SEMA3E: variants seen among roughly 807,000 people sequenced by gnomAD.
SEMA3E encodes the protein semaphorin 3E.
A neutral mutation model predicts 93.6 loss-of-function variants in SEMA3E; 49 were observed. That is an observed-to-expected ratio of 0.52 (90% CI 0.42 to 0.66). The LOEUF (loss-of-function observed/expected upper bound fraction) is 0.66. Ranked by LOEUF, SEMA3E falls within the 30% of genes least tolerant of loss-of-function variation. SEMA3E has a pLI of 0.00. For synonymous variants in SEMA3E, 363 were observed against 330.7 expected, an observed-to-expected ratio of 1.10 and a Z score of -1.06; for missense variants, 906 against 964.8, an observed-to-expected ratio of 0.94 and a Z score of 0.81.
chr7:83,479,681 G>A (rs548815195), intron 2 of SEMA3E, among the ~76,000 whole-genome samples: 2 of 152,270 alleles, frequency 1.3e-5, no homozygotes, highest in East Asian at 3.9e-4. Flanking sequence ...TGTTCTTACA[G>A]TTAAGAGAAC....
At position 83,367,590 on chromosome 7, in the gene SEMA3E, G is replaced by C; in HGVS notation, c.2324C>G (p.Ser775Cys). The part of the protein sequence containing the change: ...HYRLPRHTLD[S>C] Reference sequence around the variant, plus strand: ...ACAGTAGATAGTCTCACCCCATCAGGAGTCCAGCGTGTGCCTGGGCAGGCG... The same window carrying C: ...ACAGTAGATAGTCTCACCCCATCAGCAGTCCAGCGTGTGCCTGGGCAGGCG... Residue 775 changes from serine to cysteine, a missense_variant, in exon 17 of 17, where the codon TCC becomes TGC. Physicochemically the swap from Ser to Cys is moderately radical, Grantham distance 112. Coordinates refer to ENST00000643230, the MANE Select transcript of SEMA3E (RefSeq NM_012431.3). 6.2e-7 allele frequency: 1 copy of C among 1,613,956 alleles called. No individual in the cohort carries two copies. The highest frequency in any genetic ancestry group is 8.5e-7 in the Non-Finnish European group (1 of 1,179,912).
chr7:83,644,696 C>T (rs932392150), intron 1 of SEMA3E, among the ~76,000 whole-genome samples: 1 of 151,778 alleles, frequency 6.6e-6, no homozygotes, highest in African/African-American at 2.4e-5. Context: ...GATTTCAAAT[C>T]CTGAGCTCTC....
At chr7:83,636,988 T>C (rs930090747) in intron 1 of SEMA3E, among the ~76,000 whole-genome samples, 11 of 151,926 alleles carry the variant, frequency 7.2e-5, no homozygotes, top group African/African-American at 2.7e-4. Flanking sequence ...CTTAAGCTTC[T>C]TGAGAACTGG....
intron 16 of SEMA3E, among the ~76,000 whole-genome samples, chr7:83,380,371 T>C (rs1787753123): frequency 6.6e-6 from 1 of 151,942 alleles, no homozygotes; most frequent in African/African-American, 2.4e-5. Flanking sequence ...TGCCAGTTTC[T>C]AGAATAATTT....
At chr7:83,625,768 A>G (rs756597661) in intron 1 of SEMA3E, among the ~76,000 whole-genome samples, 4 of 151,842 alleles carry the variant, frequency 2.6e-5, no homozygotes, top group Non-Finnish European at 5.9e-5. Flanking sequence ...GAGAGAGGTC[A>G]TCTTTGTCTT....
rs1225215073 is a variant in SEMA3E at position 83,464,469 on chromosome 7, T to G, written c.456+2013A>C. On this transcript the variant is annotated intron_variant, in intron 4 of 16. Coordinates refer to ENST00000643230, the MANE Select transcript of SEMA3E (RefSeq NM_012431.3). The stretch of plus-strand genomic sequence containing the variant: ...ACATGCCCTGCTCTTGTTTACACTG[T>G]TTTTCCAAGCCATCACAGCTGATAT... Among the ~76,000 whole-genome samples the G allele has an allele frequency of 3.4e-4, 23 of 67,984 alleles. No individual in the cohort carries two copies. In the East Asian group the frequency reaches 4.9e-3, roughly 15 times the overall value. 44.6% of individuals were successfully genotyped at this position (67,984 alleles called of 152,430 possible).
chr7:83,481,947 C>A (rs926408771), intron 2 of SEMA3E, among the ~76,000 whole-genome samples: 3 of 151,984 alleles, frequency 2.0e-5, no homozygotes, highest in Non-Finnish European at 4.4e-5. Flanking sequence ...TAGTTAATAC[C>A]CCAGCATTTC....
chr7:83,467,847 G>A (rs1420560146), intron 3 of SEMA3E, among the ~76,000 whole-genome samples: 2 of 151,992 alleles, frequency 1.3e-5, no homozygotes, highest in Non-Finnish European at 2.9e-5. Flanking sequence ...GCTTAACAAA[G>A]TTTTAATATA....
At chr7:83,414,014 A>G (rs79208174) in intron 5 of SEMA3E, among the ~76,000 whole-genome samples, 2,276 of 152,310 alleles carry the variant, frequency 0.015, 58 homozygotes, top group African/African-American at 0.051. Context: ...AGTCATGGCC[A>G]GAAGCTACAA....
At chr7:83,544,603 C>G (rs1030735687) in intron 1 of SEMA3E, among the ~76,000 whole-genome samples, 1 of 152,032 alleles carries the variant, frequency 6.6e-6, no homozygotes, top group Non-Finnish European at 1.5e-5. Flanking sequence ...TGTGACAACT[C>G]AATGTTGTAG....
chr7:83,618,036 C>T (rs951136768), intron 1 of SEMA3E, among the ~76,000 whole-genome samples: 11 of 152,056 alleles, frequency 7.2e-5, no homozygotes, highest in Non-Finnish European at 1.6e-4. Flanking sequence ...CTTTACTCAT[C>T]ACCTACCTTT....
chr7:83,516,317 C>G (rs2115668176), intron 1 of SEMA3E, among the ~76,000 whole-genome samples: 1 of 152,218 alleles, frequency 6.6e-6, no homozygotes, highest in South Asian at 2.1e-4. Flanking sequence ...GGCATTTAGA[C>G]AATCACATAA....
intron 1 of SEMA3E, among the ~76,000 whole-genome samples, chr7:83,540,607 T>C (rs925268128): frequency 3.3e-5 from 5 of 152,220 alleles, no homozygotes; most frequent in African/African-American, 9.6e-5. Context: ...AACTAAGTTA[T>C]GTATTACTTA....
chr7:83,458,973 G>GTA (rs71074661), intron 4 of SEMA3E, among the ~76,000 whole-genome samples: 4,697 of 140,460 alleles, frequency 0.033, 145 homozygotes, highest in African/African-American at 0.08. Flanking sequence ...GTGTGTGTGT[G>GTA]TATATATATA....
intron 2 of SEMA3E, among the ~76,000 whole-genome samples, chr7:83,489,206 G>C (rs1173444301): frequency 1.3e-5 from 2 of 151,958 alleles, no homozygotes; most frequent in African/African-American, 2.4e-5. Flanking sequence ...AAAGAAGGAT[G>C]CTAAAATTCT....
intron 2 of SEMA3E, among the ~76,000 whole-genome samples, chr7:83,469,869 T>C (rs1789856408): frequency 6.6e-6 from 1 of 151,846 alleles, no homozygotes; most frequent in African/African-American, 2.4e-5. Flanking sequence ...TGATCTCGGC[T>C]CATTGCAGCC....
At chr7:83,542,834 A>G (rs1791565069) in intron 1 of SEMA3E, among the ~76,000 whole-genome samples, 2 of 152,144 alleles carry the variant, frequency 1.3e-5, no homozygotes, top group African/African-American at 4.8e-5. Flanking sequence ...TCTGCCTCTA[A>G]TTCACTATAA....
Position 83,554,977 on chromosome 7 carries a change from A to AAAAT in SEMA3E, c.116-64707_116-64704dup, listed in dbSNP as rs750652810. On this transcript the variant is annotated intron_variant, in intron 1 of 16. Transcript: ENST00000643230. Reference sequence around the variant, plus strand: ...GGGTGACAGAGCGAGACTCCGTCTCAAAATAAATAAATAAATAAATAAAAA... The same window carrying AAAAT: ...GGGTGACAGAGCGAGACTCCGTCTCAAAATAAATAAATAAATAAATAAATAAAAA... 1.2e-4 allele frequency among the ~76,000 whole-genome samples: 17 copies of AAAAT among 144,504 alleles called. 1 individual carries two copies. The highest frequency in any genetic ancestry group is 7.4e-4 in the Admixed American group (11 of 14,766). The allele number at this position is 144,504 out of a possible 152,430, so 94.8% of individuals were successfully genotyped here.
intron 4 of SEMA3E, among the ~76,000 whole-genome samples, chr7:83,421,892 C>T (rs546640416): frequency 1.3e-5 from 2 of 152,232 alleles, no homozygotes; most frequent in South Asian, 4.1e-4. Context: ...AAAACATAGC[C>T]TAGTGCCGGG....
Sources: allele counts gnomAD v4.1 joint callset (sites outside exome capture counted in the v4.1 genomes callset), GRCh38; gene constraint gnomAD v4.1.1; transcripts MANE v1.5; gene names NCBI Gene and HGNC (gene_info 2026-07-23, HGNC 2026-07-21).